TMEM117: variants seen among roughly 807,000 people sequenced by gnomAD.
The protein encoded by TMEM117 is transmembrane protein 117.
A neutral mutation model predicts 52.4 loss-of-function variants in TMEM117; 27 were observed. The ratio of observed to expected loss-of-function variants is 0.51; its 90% confidence interval spans 0.38 to 0.71. TMEM117 has a LOEUF of 0.71. TMEM117 is among the 30% of genes least tolerant of loss of function. TMEM117 has a pLI of 0.00. For synonymous variants in TMEM117, 215 were observed against 206.3 expected (o/e 1.04, Z -0.36); for missense variants, 556 against 630.5 (o/e 0.88, Z 1.26).
At chr12:44,398,087 T>G in the TMEM117 span, among the ~76,000 whole-genome samples, 5 of 148,856 alleles carry the variant, frequency 3.4e-5, no homozygotes, top group South Asian at 1.0e-3. Context: ...GGTTGTTTTT[T>G]TTTTTTGTTT....
intron 3 of TMEM117, among the ~76,000 whole-genome samples, chr12:44,067,414 A>G (rs1947237696): frequency 6.6e-6 from 1 of 152,158 alleles, no homozygotes; most frequent in Non-Finnish European, 1.5e-5. Context: ...GCCTTATGAA[A>G]TGTCTGTCGT....
intron 5 of TMEM117, among the ~76,000 whole-genome samples, chr12:44,221,603 A>C (rs1008056037): frequency 6.6e-6 from 1 of 152,270 alleles, no homozygotes; most frequent in African/African-American, 2.4e-5. Context: ...GTAATTAATG[A>C]TATCTGTGAA....
chr12:44,058,400 A>T (rs1030659640), intron 3 of TMEM117, among the ~76,000 whole-genome samples: 4 of 152,180 alleles, frequency 2.6e-5, no homozygotes, highest in African/African-American at 7.2e-5. Flanking sequence ...TTGGTAGGTG[A>T]TATTACCTGG....
chr12:43,964,889 G>A (rs908576690), intron 3 of TMEM117, among the ~76,000 whole-genome samples: 2 of 152,232 alleles, frequency 1.3e-5, no homozygotes, highest in East Asian at 3.9e-4. Flanking sequence ...ATTGAATTTC[G>A]AAGAAAAGGA....
At chr12:43,894,111 G>C (rs964564528) in intron 2 of TMEM117, among the ~76,000 whole-genome samples, 1 of 152,178 alleles carries the variant, frequency 6.6e-6, no homozygotes, top group South Asian at 2.1e-4. Context: ...TCACAGGCCA[G>C]CTCAGATTCA....
intron 6 of TMEM117, among the ~76,000 whole-genome samples, chr12:44,311,867 G>GTGTA (rs1267687835): frequency 8.9e-6 from 1 of 112,464 alleles, no homozygotes; most frequent in Non-Finnish European, 1.7e-5. Flanking sequence ...GTATATATAT[G>GTGTA]TATATATATG....
Position 43,844,626 on chromosome 12 carries a change from A to G in TMEM117, c.-26A>G. The G allele has an allele frequency of 6.2e-7, 1 of 1,603,332 alleles. No individual in the cohort carries two copies. On this transcript the variant is annotated splice_region_variant and 5_prime_UTR_variant, in exon 2 of 8. Coordinates refer to ENST00000266534, the MANE Select transcript of TMEM117 (RefSeq NM_032256.3). ...CCTATCTATCTTTTCTTATACAGGT[A>G]AACTACGAACTGGGAGTTCTGAAGA... is the stretch of plus-strand genomic sequence containing the variant.
intron 3 of TMEM117, among the ~76,000 whole-genome samples, chr12:43,965,081 C>G (rs553514314): frequency 5.1e-4 from 78 of 152,288 alleles, no homozygotes; most frequent in African/African-American, 1.8e-3. Context: ...CCTGGTTGCC[C>G]TAGTAACAGG....
intron 2 of TMEM117, among the ~76,000 whole-genome samples, chr12:43,925,566 C>T (rs1433960894): frequency 1.3e-5 from 2 of 151,978 alleles, no homozygotes; most frequent in African/African-American, 2.4e-5. Flanking sequence ...GACTCCACCT[C>T]GTCAGTCATC....
Position 44,167,408 on chromosome 12 carries a change from C to T in TMEM117, c.510+23784C>T, listed in dbSNP as rs556291226. On this transcript the variant is annotated intron_variant, in intron 4 of 7. Coordinates refer to ENST00000266534, the MANE Select transcript of TMEM117 (RefSeq NM_032256.3). ...TGTAGGCTGGGCGCGGTGGGTCACG[C>T]CTGTAATCCCAGCACTTTGGGAGGC... 6.4e-4 allele frequency among the ~76,000 whole-genome samples: 97 copies of T among 152,262 alleles called. 1 individual carries two copies. The South Asian group carries it at 0.015, about 24-fold the overall frequency.
chr12:43,846,179 C>A (rs1175169506), intron 2 of TMEM117, among the ~76,000 whole-genome samples: 1 of 151,750 alleles, frequency 6.6e-6, no homozygotes, highest in African/African-American at 2.4e-5. Flanking sequence ...AGTAAGGGAT[C>A]TCTTGATAAT....
chr12:43,895,452 T>C (rs1269275353), intron 2 of TMEM117, among the ~76,000 whole-genome samples: 1 of 152,226 alleles, frequency 6.6e-6, no homozygotes, highest in Non-Finnish European at 1.5e-5. Flanking sequence ...AGTGCAGCAA[T>C]GAACATATGC....
intron 2 of TMEM117, among the ~76,000 whole-genome samples, chr12:43,929,758 A>T (rs1290134699): frequency 3.9e-5 from 6 of 152,176 alleles, no homozygotes; most frequent in Admixed American, 3.9e-4. Flanking sequence ...TTTAACAGCT[A>T]TTAAATCTAT....
At chr12:44,216,005 C>CTTTTTTTTTTTTTTTTTT (rs778425747) in intron 5 of TMEM117, among the ~76,000 whole-genome samples, 3 of 110,836 alleles carry the variant, frequency 2.7e-5, no homozygotes, top group African/African-American at 7.7e-5. Context: ...TTCTTTCTTT[C>CTTTTTTTTTTTTTTTTTT]TTTTTTTTTT....
At chr12:43,840,040 G>A (rs763527198) in intron 1 of TMEM117, among the ~76,000 whole-genome samples, 6 of 151,486 alleles carry the variant, frequency 4.0e-5, no homozygotes, top group African/African-American at 7.3e-5. Flanking sequence ...AGCCCCAGGC[G>A]GTTTCCTTTG....
At chr12:44,199,778 A>G (rs974363628) in intron 4 of TMEM117, among the ~76,000 whole-genome samples, 1 of 152,206 alleles carries the variant, frequency 6.6e-6, no homozygotes, top group Non-Finnish European at 1.5e-5. Context: ...TATTACTATT[A>G]TCTTCAAGAG....
intron 5 of TMEM117, among the ~76,000 whole-genome samples, chr12:44,230,332 A>G (rs762735110): frequency 1.3e-5 from 2 of 151,948 alleles, no homozygotes; most frequent in East Asian, 1.9e-4. Context: ...TTTCCTCTCA[A>G]TTCTGCTTTT....
In TMEM117 at chr12:44,165,036, T is replaced by A. The variant is rs75431506; in HGVS notation, c.510+21412T>A. On this transcript the variant is annotated intron_variant, in intron 4 of 7. Transcript: ENST00000266534. ...CTTATTTCTTCTATCTGTACATTTGTACCCATTAACCAACCTCTCTCTGTC... is the reference window on the plus strand; with the variant it reads ...CTTATTTCTTCTATCTGTACATTTGAACCCATTAACCAACCTCTCTCTGTC... Among the ~76,000 whole-genome samples, 760 of 152,174 alleles carry A rather than the reference T, an allele frequency of 5.0e-3. 4 individuals carry two copies. The highest frequency in any genetic ancestry group is 0.024 in the Middle Eastern group (7 of 294).
intron 5 of TMEM117, among the ~76,000 whole-genome samples, chr12:44,278,850 T>G (rs1950545659): frequency 6.6e-6 from 1 of 152,204 alleles, no homozygotes. Flanking sequence ...AACACAATGG[T>G]GTTAATTCCT....
Sources: gnomAD v4.1 joint callset for allele counts (sites outside exome capture counted in the v4.1 genomes callset) on GRCh38, gnomAD v4.1.1 for gene constraint, MANE v1.5 for transcripts, NCBI Gene and HGNC (gene_info 2026-07-23, HGNC 2026-07-21) for gene names.